The following SND1 variants were observed in gnomAD, a reference collection of about 807,000 sequenced individuals.
The protein encoded by SND1 is staphylococcal nuclease and tudor domain containing 1, also known as staphylococcal nuclease domain-containing protein 1.
In SND1, 38 loss-of-function variants were observed where a neutral mutation model predicts 121.7. The observed-to-expected ratio is 0.31, with a 90% CI of 0.24 to 0.41. The LOEUF is 0.41. Ranked by LOEUF, SND1 falls within the 10% of genes least tolerant of loss-of-function variation. The pLI, the probability that SND1 is intolerant of heterozygous loss-of-function variation, is 1.00. For synonymous variants in SND1, 401 were observed against 447.4 expected, an observed-to-expected ratio of 0.90 and a Z score of 1.31; for missense variants, 868 against 1,184.6, an observed-to-expected ratio of 0.73 and a Z score of 3.92.
At chr7:127,692,878 G>A (rs1269240970) in intron 2 of SND1, among the ~76,000 whole-genome samples, 1 of 152,176 alleles carries the variant, frequency 6.6e-6, no homozygotes, top group African/African-American at 2.4e-5. Flanking sequence ...TTTCTTCAGC[G>A]AGCCTTAAAA....
intron 15 of SND1, among the ~76,000 whole-genome samples, chr7:127,976,805 A>G (rs1256815963): frequency 3.3e-5 from 5 of 152,194 alleles, no homozygotes; most frequent in African/African-American, 1.2e-4. Context: ...GCTTGTCACA[A>G]CACCACCAGG....
intron 15 of SND1, 71 bp downstream of exon 15, chr7:127,929,400 C>T (rs1387145319): frequency 4.7e-5 from 72 of 1,525,700 alleles, no homozygotes; most frequent in Non-Finnish European, 6.0e-5. Context: ...CCTCCTTTCC[C>T]CCTGTGTTCT....
At chr7:127,680,545 A>G (rs914503747) in intron 1 of SND1, among the ~76,000 whole-genome samples, 2 of 151,964 alleles carry the variant, frequency 1.3e-5, no homozygotes, top group African/African-American at 4.8e-5. Flanking sequence ...ATTCAGCGAT[A>G]TTTCTCCTAT....
At chr7:127,989,820 T>A (rs1293996762) in intron 15 of SND1, among the ~76,000 whole-genome samples, 1 of 152,254 alleles carries the variant, frequency 6.6e-6, no homozygotes, top group Non-Finnish European at 1.5e-5. Flanking sequence ...AGTGTGAATT[T>A]TTTTGAAATA....
intron 12 of SND1, 43 bp downstream of exon 12, chr7:127,844,467 AG>A (rs776629795): frequency 6.8e-7 from 1 of 1,463,654 alleles, no homozygotes; most frequent in South Asian, 1.2e-5. Flanking sequence ...CATCTCAAGT[AG>A]CTAAGAGTTC....
intron 16 of SND1, among the ~76,000 whole-genome samples, chr7:128,064,989 A>G (rs1471503163): frequency 1.3e-5 from 2 of 152,234 alleles, no homozygotes; most frequent in Admixed American, 6.5e-5. Flanking sequence ...TGCATTGGCT[A>G]CAGAAGTGAA....
chr7:127,711,649 C>T (rs879642449), intron 9 of SND1, among the ~76,000 whole-genome samples: 5 of 152,060 alleles, frequency 3.3e-5, no homozygotes, highest in Admixed American at 1.3e-4. Context: ...TTTCTCCCAA[C>T]TCTTTTGTTG....
intron 15 of SND1, among the ~76,000 whole-genome samples, chr7:127,935,915 C>T (rs557440584): frequency 7.2e-5 from 11 of 152,306 alleles, no homozygotes; most frequent in African/African-American, 2.6e-4. Flanking sequence ...TTCTGTACTT[C>T]AAGGTGGGGT....
chr7:127,692,781 A>G (rs906765641), intron 2 of SND1, among the ~76,000 whole-genome samples: 1 of 152,234 alleles, frequency 6.6e-6, no homozygotes, highest in African/African-American at 2.4e-5. Flanking sequence ...GGTTAGGCAT[A>G]TGTCCTTTGC....
intron 15 of SND1, among the ~76,000 whole-genome samples, chr7:127,975,402 TGTAA>T (rs1409017963): frequency 6.8e-6 from 1 of 147,960 alleles, no homozygotes; most frequent in Non-Finnish European, 1.5e-5. Context: ...TGTGTGTGTG[TGTAA>T]GAGAGATTGA....
chr7:127,737,396 G>GA (rs1296007965), intron 10 of SND1, among the ~76,000 whole-genome samples: 1 of 152,224 alleles, frequency 6.6e-6, no homozygotes, highest in East Asian at 1.9e-4. Flanking sequence ...CCAACATGGC[G>GA]AAACGCCATC....
intron 10 of SND1, among the ~76,000 whole-genome samples, chr7:127,733,018 A>G (rs1237521763): frequency 6.6e-6 from 1 of 152,166 alleles, no homozygotes; most frequent in African/African-American, 2.4e-5. Flanking sequence ...CAGGCTTTAG[A>G]CAGCTGTGGT....
chr7:127,943,029 A>G (rs910348474), intron 15 of SND1, among the ~76,000 whole-genome samples: 6 of 152,200 alleles, frequency 3.9e-5, no homozygotes, highest in African/African-American at 1.4e-4. Flanking sequence ...TTGCCATATC[A>G]TACTCACTCC....
chr7:127,784,357 C>T (rs1204028516), intron 10 of SND1, among the ~76,000 whole-genome samples: 1 of 152,218 alleles, frequency 6.6e-6, no homozygotes, highest in Non-Finnish European at 1.5e-5. Flanking sequence ...CTAGCATGAC[C>T]TCCTCCTGTT....
chr7:127,882,424 A>AGGAGAGAGGAGG (rs1563046163), intron 12 of SND1, among the ~76,000 whole-genome samples: 1 of 52,612 alleles, frequency 1.9e-5, no homozygotes, highest in Admixed American at 2.9e-4. Context: ...AAAAGAGGAG[A>AGGAGAGAGGAGG]GGAGGGGAGG....
intron 11 of SND1, among the ~76,000 whole-genome samples, chr7:127,837,997 G>T (rs1192573065): frequency 1.3e-5 from 2 of 152,184 alleles, no homozygotes; most frequent in African/African-American, 2.4e-5. Context: ...CTGCTATGTT[G>T]TTCCCCTGTT....
At chr7:127,677,971 C>T (rs1038406065) in intron 1 of SND1, among the ~76,000 whole-genome samples, 8 of 152,134 alleles carry the variant, frequency 5.3e-5, no homozygotes, top group Non-Finnish European at 1.0e-4. Context: ...GCAGATGGTA[C>T]GGTTTAATAA....
chr7:127,952,212 A>G (rs1444763716), intron 15 of SND1, among the ~76,000 whole-genome samples: 1 of 152,212 alleles, frequency 6.6e-6, no homozygotes, highest in African/African-American at 2.4e-5. Context: ...CAGGAAAGCG[A>G]TGTATATTCT....
At chr7:127,968,034 G>T (rs1801895786) in intron 15 of SND1, among the ~76,000 whole-genome samples, 1 of 152,202 alleles carries the variant, frequency 6.6e-6, no homozygotes, top group South Asian at 2.1e-4. Flanking sequence ...CTAAGGCTCT[G>T]CGAGGTTATT....
Sources: allele counts gnomAD v4.1 joint callset (sites outside exome capture counted in the v4.1 genomes callset), GRCh38; gene constraint gnomAD v4.1.1; transcripts MANE v1.5; gene names NCBI Gene and HGNC (gene_info 2026-07-23, HGNC 2026-07-21).